CARHSP1: variants seen among roughly 807,000 people sequenced by gnomAD.
The protein encoded by CARHSP1 is calcium-regulated heat-stable protein 1.
In CARHSP1, 14 loss-of-function variants were observed where a neutral mutation model predicts 12.5. The ratio of observed to expected loss-of-function variants is 1.12; its 90% CI spans 0.74 to 1.75. The LOEUF is 1.75. Among genes scored for constraint, CARHSP1 ranks in the 40% most tolerant of loss-of-function variants. The pLI, the probability that CARHSP1 is intolerant of heterozygous loss-of-function variation, is 0.00. For synonymous variants in CARHSP1, 161 were observed against 82.0 expected (o/e 1.96, Z -5.20); for missense variants, 343 against 201.6 (o/e 1.70, Z -4.25).
At chr16:8,855,534 C>T (rs947219292) in intron 3 of CARHSP1, among the ~76,000 whole-genome samples, 3 of 152,196 alleles carry the variant, frequency 2.0e-5, no homozygotes, top group African/African-American at 4.8e-5. Flanking sequence ...GGCCCTGGCC[C>T]AATCAGCTCC....
chr16:8,858,682 T>C, intron 2 of CARHSP1: 1 of 561,188 alleles, frequency 1.8e-6, no homozygotes, highest in Non-Finnish European at 3.1e-6. Context: ...CCTGGCCAAT[T>C]TTCTCGGGCC....
intron 1 of CARHSP1, among the ~76,000 whole-genome samples, chr16:8,865,876 A>T (rs1286209568): frequency 3.3e-5 from 5 of 152,236 alleles, no homozygotes; most frequent in African/African-American, 1.2e-4. Context: ...ACTTTAATGC[A>T]GTCAGGAATC....
intron 1 of CARHSP1, chr16:8,861,804 C>T (rs1320549158): frequency 8.2e-7 from 1 of 1,214,966 alleles, no homozygotes; most frequent in East Asian, 5.8e-5. Flanking sequence ...TCATAGAGTC[C>T]TAGAATGTTC....
intron 3 of CARHSP1, 21 bp downstream of exon 3, chr16:8,858,329 C>G (rs1047434192): frequency 1.2e-6 from 2 of 1,610,978 alleles, no homozygotes; most frequent in Non-Finnish European, 1.7e-6. Context: ...GCCAGGCCAC[C>G]CAGACCTGCC....
rs561753661 is a variant in CARHSP1 at position 8,865,175 on chromosome 16, C to T, written c.-8+3791G>A. Among the ~76,000 whole-genome samples, 7 of 152,292 alleles carry T rather than the reference C, an allele frequency of 4.6e-5. No individual in the cohort carries two copies. The South Asian group carries it at 1.5e-3, about 32-fold the overall frequency. ...CCAGGATGGAGTGCAGTGGCACAAT[C>T]TCAGCTCACTGCAGACCCCCGCCCC... On this transcript the variant is annotated intron_variant, in intron 1 of 3. Coordinates refer to ENST00000311052, the MANE Select transcript of CARHSP1 (RefSeq NM_014316.4).
chr16:8,859,232 G>T lies in CARHSP1; in HGVS notation c.97C>A (p.Pro33Thr). 6.2e-7 allele frequency: 1 copy of T among 1,602,326 alleles called. No individual in the cohort carries two copies. Among genetic ancestry groups the T allele is most frequent in the Non-Finnish European group, 8.5e-7 (1 of 1,176,808 alleles). Reference protein sequence around the residue: ...TPRSRERSPSPLRGNVVPSPL... With the variant: ...TPRSRERSPSTLRGNVVPSPL... ...CTTGGGACCACGTTGCCCCGCAGAG[G>T]GGATGGTGAGCGCTCACGGCTCCGA... The change falls in exon 2 of 4, where the codon CCT becomes ACT. Residue 33 changes from proline to threonine, a missense_variant. Transcript: ENST00000311052.
At chr16:8,867,585 A>AC (rs1326004279) in intron 1 of CARHSP1, 2 of 152,244 alleles carry the variant, frequency 1.3e-5, no homozygotes, top group Admixed American at 6.5e-5. Flanking sequence ...CCCACCGTCA[A>AC]CCACCCTCAA....
rs1240080688 is a variant in CARHSP1 at position 8,853,392 on chromosome 16, G to A, written c.*1772C>T. On this transcript the variant is annotated 3_prime_UTR_variant, in exon 4 of 4. Transcript: ENST00000311052. The stretch of plus-strand genomic sequence containing the variant: ...GGCAGAGGCGGGAGAGGAGGGTGAG[G>A]ATGTACAAGGAGCATCGCAGGCGAG... 6.7e-6 allele frequency: 1 copy of A among 149,930 alleles called. No homozygotes were observed. The highest frequency in any genetic ancestry group is 2.0e-4 in the East Asian group (1 of 5,058). The allele number at this position is 149,930 out of a possible 1,614,324, so 9.3% of individuals were successfully genotyped here.
At chr16:8,865,544 G>C (rs2061440716) in intron 1 of CARHSP1, among the ~76,000 whole-genome samples, 1 of 152,222 alleles carries the variant, frequency 6.6e-6, no homozygotes, top group South Asian at 2.1e-4. Flanking sequence ...GCAAAATGAG[G>C]GTGTCTTGAG....
At position 8,855,239 on chromosome 16, in the gene CARHSP1, G is replaced by T. The variant is rs201509310; in HGVS notation, c.369C>A (p.Ala123=). 16 of 1,612,916 alleles carry T rather than the reference G, an allele frequency of 9.9e-6. No individual in the cohort carries two copies. The African/African-American group carries it at 2.0e-4, about 20-fold the overall frequency. ...CCAGGTGAGTGATGACGACCTCCAC[G>T]GCCTGCAGCTTCTCATTCTTGGGTG... The part of the protein sequence containing the change: ...SIPPKNEKLQ[A]VEVVITHLAP... Residue 123 remains alanine, a synonymous_variant, in exon 4 of 4, where the codon GCC becomes GCA. Coordinates refer to ENST00000311052, the MANE Select transcript of CARHSP1 (RefSeq NM_014316.4).
At chr16:8,865,631 A>G (rs1703112608) in intron 1 of CARHSP1, among the ~76,000 whole-genome samples, 1 of 152,206 alleles carries the variant, frequency 6.6e-6, no homozygotes, top group Non-Finnish European at 1.5e-5. Context: ...GAGCCAGCCC[A>G]CTGCTGGCAG....
chr16:8,866,439 C>T, intron 1 of CARHSP1: 2 of 985,352 alleles, frequency 2.0e-6, no homozygotes, highest in Non-Finnish European at 2.4e-6. Flanking sequence ...CACCTGGGTT[C>T]CTCCTTTGTA....
intron 1 of CARHSP1, among the ~76,000 whole-genome samples, chr16:8,865,275 A>G (rs965685264): frequency 2.6e-5 from 4 of 151,884 alleles, no homozygotes; most frequent in African/African-American, 9.7e-5. Context: ...ACACCCAGCC[A>G]ATTGTTGTAT....
rs146588713 is a variant in CARHSP1 at position 8,860,701 on chromosome 16, G to T, written c.-7-1366C>A. ...CACTCAACACCACACAGCCGGGAGG[G>T]ACAGCAGCAGCCCTGGATCGGTTTG... is the stretch of plus-strand genomic sequence containing the variant. On this transcript the variant is annotated intron_variant, in intron 1 of 3. Coordinates refer to ENST00000311052, the MANE Select transcript of CARHSP1 (RefSeq NM_014316.4). 8.3e-3 allele frequency among the ~76,000 whole-genome samples: 1,259 copies of T among 152,196 alleles called. 7 individuals carry two copies. Among genetic ancestry groups the T allele is most frequent in the Admixed American group, 0.012 (181 of 15,284 alleles).
chr16:8,858,952 T>C, intron 2 of CARHSP1: 1 of 475,300 alleles, frequency 2.1e-6, no homozygotes, highest in Non-Finnish European at 3.7e-6. Flanking sequence ...GCCCACCCAT[T>C]GCCACTCCCA....
At chr16:8,861,390 G>A (rs1373979930) in intron 1 of CARHSP1, among the ~76,000 whole-genome samples, 1 of 151,484 alleles carries the variant, frequency 6.6e-6, no homozygotes, top group African/African-American at 2.4e-5. Context: ...AAGAAATGAA[G>A]CTCTCACAAC....
At chr16:8,864,562 G>C (rs189262761) in intron 1 of CARHSP1, among the ~76,000 whole-genome samples, 3 of 152,226 alleles carry the variant, frequency 2.0e-5, no homozygotes, top group Non-Finnish European at 4.4e-5. Flanking sequence ...GGCTAACAAA[G>C]ACCCTGGTGA....
Position 8,854,950 on chromosome 16 carries a change from G to C in CARHSP1, c.*214C>G. The C allele has an allele frequency of 2.5e-6, 1 of 404,584 alleles. No homozygotes were observed. The highest frequency in any genetic ancestry group is 4.4e-6 in the Non-Finnish European group (1 of 229,262). 25.1% of individuals were successfully genotyped at this position (404,584 alleles called of 1,614,324 possible). ...GCTTTTAATGCTCTTCAGATGGTGA[G>C]AGGTTGTTGCAATGGTCATAGGCTG... is the stretch of plus-strand genomic sequence containing the variant. On this transcript the variant is annotated 3_prime_UTR_variant, in exon 4 of 4. Transcript: ENST00000311052.
chr16:8,854,106 A>G lies in CARHSP1; in HGVS notation c.*1058T>C, dbSNP rs977741179. On this transcript the variant is annotated 3_prime_UTR_variant, in exon 4 of 4. Coordinates refer to ENST00000311052, the MANE Select transcript of CARHSP1 (RefSeq NM_014316.4). ...CTCCCACCCTGCCAAAAAGTTTGCAATGTCGGCAGCAAAGTGCAAACAGAG... is the reference window on the plus strand; with the variant it reads ...CTCCCACCCTGCCAAAAAGTTTGCAGTGTCGGCAGCAAAGTGCAAACAGAG... 47 of 152,050 alleles carry G rather than the reference A, an allele frequency of 3.1e-4. No individual in the cohort carries two copies. Among genetic ancestry groups the G allele is most frequent in the African/African-American group, 9.7e-4 (40 of 41,390 alleles). The allele number at this position is 152,050 out of a possible 1,614,324, so 9.4% of individuals were successfully genotyped here.
Sources: gnomAD v4.1 joint callset for allele counts (sites outside exome capture counted in the v4.1 genomes callset) on GRCh38, gnomAD v4.1.1 for gene constraint, MANE v1.5 for transcripts, NCBI Gene and HGNC (gene_info 2026-07-23, HGNC 2026-07-21) for gene names.